Variants in RUNX1 observed in about 807,000 individuals in gnomAD.
The protein encoded by RUNX1 is RUNX family transcription factor 1, also known as runt-related transcription factor 1.
In RUNX1, 19 loss-of-function variants were observed where a neutral mutation model predicts 42.8. That is an observed-to-expected ratio of 0.44 (90% CI 0.31 to 0.65). The LOEUF is 0.65. Ranked by LOEUF, RUNX1 falls within the 30% of genes least tolerant of loss-of-function variation. RUNX1 has a pLI of 0.07. For missense variants in RUNX1, 528 were observed against 672.0 expected, an observed-to-expected ratio of 0.79 and a Z score of 2.37; for synonymous variants, 271 against 289.4, an observed-to-expected ratio of 0.94 and a Z score of 0.64.
At chr21:35,043,925 C>G (rs1246372694) in intron 2 of RUNX1, among the ~76,000 whole-genome samples, 1 of 152,126 alleles carries the variant, frequency 6.6e-6, no homozygotes, top group African/African-American at 2.4e-5. Flanking sequence ...GCAAAATGGC[C>G]TTTTCCTTAA....
At chr21:35,047,924 A>C (rs1032719643) in intron 2 of RUNX1, among the ~76,000 whole-genome samples, 7 of 152,200 alleles carry the variant, frequency 4.6e-5, no homozygotes, top group African/African-American at 1.7e-4. Flanking sequence ...GTTTAAGCAC[A>C]GCCCTCTTTT....
chr21:35,024,879 C>T (rs2059224513), intron 2 of RUNX1, among the ~76,000 whole-genome samples: 1 of 152,160 alleles, frequency 6.6e-6, no homozygotes, highest in Non-Finnish European at 1.5e-5. Flanking sequence ...AGTGATGGGT[C>T]TGATTTTTAG....
chr21:35,023,704 C>T (rs1472292687), intron 2 of RUNX1, among the ~76,000 whole-genome samples: 1 of 152,090 alleles, frequency 6.6e-6, no homozygotes, highest in Non-Finnish European at 1.5e-5. Context: ...GGACTGGAGC[C>T]TGAGGGTGGG....
At chr21:34,819,626 G>A (rs533099778) in intron 7 of RUNX1, among the ~76,000 whole-genome samples, 2 of 152,232 alleles carry the variant, frequency 1.3e-5, no homozygotes, top group South Asian at 2.1e-4. Flanking sequence ...GGACAAGGAC[G>A]TGGCCGTCAC....
At chr21:34,914,469 C>T (rs2058296225) in intron 2 of RUNX1, among the ~76,000 whole-genome samples, 1 of 152,130 alleles carries the variant, frequency 6.6e-6, no homozygotes, top group South Asian at 2.1e-4. Context: ...ATTTCAACAC[C>T]TACTGTACCC....
At chr21:34,796,566 A>G (rs990667093) in intron 8 of RUNX1, among the ~76,000 whole-genome samples, 7 of 152,130 alleles carry the variant, frequency 4.6e-5, no homozygotes, top group Non-Finnish European at 7.4e-5. Flanking sequence ...AGGTCCAGGT[A>G]TTTTGGTTGG....
intron 2 of RUNX1, among the ~76,000 whole-genome samples, chr21:34,908,971 T>C (rs2146515040): frequency 6.6e-6 from 1 of 152,192 alleles, no homozygotes; most frequent in Non-Finnish European, 1.5e-5. Context: ...ATGTGTGTGC[T>C]AGGGGTAAGA....
At chr21:34,839,797 G>C (rs997126731) in intron 6 of RUNX1, among the ~76,000 whole-genome samples, 2 of 152,150 alleles carry the variant, frequency 1.3e-5, no homozygotes, top group East Asian at 3.9e-4. Context: ...GAGAGGGAGA[G>C]CTCCTCCTGA....
chr21:34,917,852 C>T (rs1430933774), intron 2 of RUNX1, among the ~76,000 whole-genome samples: 1 of 152,030 alleles, frequency 6.6e-6, no homozygotes, highest in Non-Finnish European at 1.5e-5. Flanking sequence ...TTGGCTTGGC[C>T]GGGCGTAGTG....
At chr21:34,869,231 G>A (rs896037561) in intron 5 of RUNX1, among the ~76,000 whole-genome samples, 2 of 152,122 alleles carry the variant, frequency 1.3e-5, no homozygotes, top group African/African-American at 4.8e-5. Flanking sequence ...ATCATCAAGA[G>A]GGGCCCTAGC....
intron 2 of RUNX1, among the ~76,000 whole-genome samples, chr21:34,956,031 A>T (rs192041269): frequency 3.3e-4 from 50 of 152,358 alleles, no homozygotes; most frequent in African/African-American, 1.2e-3. Context: ...TAGCCAAAAC[A>T]AAACAGCACA....
intron 6 of RUNX1, among the ~76,000 whole-genome samples, chr21:34,856,749 T>C (rs1419433358): frequency 1.3e-5 from 2 of 152,224 alleles, no homozygotes; most frequent in East Asian, 1.9e-4. Flanking sequence ...AATTTGACCT[T>C]GGCAATGCCA....
At chr21:34,988,718 A>G (rs2058911324) in intron 2 of RUNX1, among the ~76,000 whole-genome samples, 1 of 152,094 alleles carries the variant, frequency 6.6e-6, no homozygotes, top group South Asian at 2.1e-4. Context: ...AGTGTGTGCA[A>G]CAACTTATTA....
At chr21:34,795,193 G>GA (rs2056508583) in intron 8 of RUNX1, among the ~76,000 whole-genome samples, 1 of 152,220 alleles carries the variant, frequency 6.6e-6, no homozygotes, top group Non-Finnish European at 1.5e-5. Context: ...GGCTGATAGA[G>GA]AAAGTCGACA....
intron 2 of RUNX1, among the ~76,000 whole-genome samples, chr21:34,918,225 C>T (rs1427192374): frequency 1.3e-5 from 2 of 151,466 alleles, no homozygotes; most frequent in Admixed American, 6.6e-5. Flanking sequence ...TGCAATAATC[C>T]AAGCACCCCA....
intron 4 of RUNX1, 68 bp from the exon 5 acceptor site, chr21:34,880,781 G>T: frequency 6.8e-7 from 1 of 1,478,182 alleles, no homozygotes; most frequent in Non-Finnish European, 9.4e-7. Context: ...GGGCATTTGT[G>T]TAGTGATTAT....
At chr21:34,945,221 T>A (rs574455712) in intron 2 of RUNX1, among the ~76,000 whole-genome samples, 1 of 152,356 alleles carries the variant, frequency 6.6e-6, no homozygotes, top group South Asian at 2.1e-4. Flanking sequence ...GACTATAGTA[T>A]CATAGTTACA....
chr21:34,875,103 CA>C (rs1264475732), intron 5 of RUNX1, among the ~76,000 whole-genome samples: 1 of 152,220 alleles, frequency 6.6e-6, no homozygotes, highest in Non-Finnish European at 1.5e-5. Context: ...TGACACTTCA[CA>C]AAATCAGCAA....
At chr21:34,821,156 C>T (rs1414896434) in intron 7 of RUNX1, 3 of 944,706 alleles carry the variant, frequency 3.2e-6, no homozygotes, top group Admixed American at 5.9e-5. Context: ...CTGGGGCTCC[C>T]GAGGAATAAG....
Sources: allele counts gnomAD v4.1 joint callset (sites outside exome capture counted in the v4.1 genomes callset), GRCh38; gene constraint gnomAD v4.1.1; transcripts MANE v1.5; gene names NCBI Gene and HGNC (gene_info 2026-07-23, HGNC 2026-07-21).